The following ZNF467 variants were observed in gnomAD, a reference collection of about 807,000 sequenced individuals.
ZNF467 encodes the protein zinc finger protein EZI.
A neutral mutation model predicts 47.8 loss-of-function variants in ZNF467; 51 were observed. The ratio of observed to expected loss-of-function variants is 1.07; its 90% confidence interval spans 0.85 to 1.35. The LOEUF (loss-of-function observed/expected upper bound fraction) is 1.35. Among genes scored for constraint, ZNF467 ranks in the 40% most tolerant of loss-of-function variants. The pLI is 0.00. For synonymous variants in ZNF467, 416 were observed against 372.9 expected (o/e 1.12, Z -1.33); for missense variants, 992 against 858.1 (o/e 1.16, Z -1.95).
At chr7:149,768,809 G>C (rs779863203) in intron 4 of ZNF467, among the ~76,000 whole-genome samples, 19 of 152,242 alleles carry the variant, frequency 1.2e-4, no homozygotes, top group Non-Finnish European at 2.2e-4. Context: ...GAGAAATAAA[G>C]AGGGGGAGGT....
At position 149,771,580 on chromosome 7, in the gene ZNF467, T is replaced by A. The variant is rs185129552; in HGVS notation, c.-42-506A>T. On this transcript the variant is annotated intron_variant, in intron 1 of 4. Coordinates refer to ENST00000302017, the MANE Select transcript of ZNF467 (RefSeq NM_207336.3). ...TGGGGAGGTCCTCGAGAGGATCCTC[T>A]TGTAGCTAGAAAATGATCGCCTCTT... 5.1e-3 allele frequency among the ~76,000 whole-genome samples: 778 copies of A among 152,168 alleles called. 1 individual carries two copies. Among genetic ancestry groups the A allele is most frequent in the Middle Eastern group, 0.017 (5 of 294 alleles).
intron 4 of ZNF467, among the ~76,000 whole-genome samples, chr7:149,768,418 A>T (rs1175358919): frequency 6.6e-6 from 1 of 152,254 alleles, no homozygotes; most frequent in Admixed American, 6.5e-5. Flanking sequence ...TGGCCTATCC[A>T]AGGGCACTCA....
At chr7:149,776,315 G>A (rs1181583896), upstream of ZNF467, 2 of 1,347,492 alleles carry the variant, frequency 1.5e-6, no homozygotes, top group African/African-American at 3.0e-5. Context: ...AGGGAATGGT[G>A]GCAGCAGCTG....
intron 4 of ZNF467, among the ~76,000 whole-genome samples, chr7:149,767,389 C>G (rs972401930): frequency 3.9e-5 from 6 of 152,240 alleles, no homozygotes; most frequent in Non-Finnish European, 5.9e-5. Context: ...CTGGCCTGAG[C>G]CTTGATTCCA....
At chr7:149,772,652 G>T (rs1799461061) in intron 1 of ZNF467, among the ~76,000 whole-genome samples, 1 of 138,942 alleles carries the variant, frequency 7.2e-6, no homozygotes, top group Admixed American at 7.2e-5. Context: ...AAGCAGCTCC[G>T]ATCGCCGACT....
intron 4 of ZNF467, 99 bp downstream of exon 4, chr7:149,768,990 TG>T: frequency 9.3e-7 from 1 of 1,079,178 alleles, no homozygotes; most frequent in Non-Finnish European, 1.3e-6. Context: ...CTGCCTGTCT[TG>T]GGGGATTACC....
Position 149,765,317 on chromosome 7 carries a change from C to T in ZNF467, c.1185G>A (p.Val395=). The T allele has an allele frequency of 1.4e-6, 2 of 1,481,446 alleles. No homozygotes were observed. Among genetic ancestry groups the T allele is most frequent in the Non-Finnish European group, 1.8e-6 (2 of 1,112,786 alleles). 91.8% of individuals were successfully genotyped at this position (1,481,446 alleles called of 1,614,324 possible). The stretch of plus-strand genomic sequence containing the variant: ...CCAGGGGCTTGGCGGCGGGGGCATC[C>T]ACGGTGGCGCCCAGTGCGCACTCAT... The part of the protein sequence containing the change: ...GCDECALGAT[V]DAPAAKPLAS... Residue 395 remains valine (V), a synonymous_variant, in exon 5 of 5, where the codon GTG becomes GTA. Transcript: ENST00000302017.
intron 1 of ZNF467, among the ~76,000 whole-genome samples, chr7:149,772,686 C>T (rs1799462594): frequency 6.6e-6 from 1 of 150,652 alleles, no homozygotes; most frequent in African/African-American, 2.4e-5. Flanking sequence ...CGGCCCCCTC[C>T]CCAGCTCCGG....
upstream of ZNF467, chr7:149,776,320 C>A: frequency 7.4e-7 from 1 of 1,351,414 alleles, no homozygotes; most frequent in Non-Finnish European, 9.9e-7. Flanking sequence ...ATGGTGGCAG[C>A]AGCTGTGGTT....
Position 149,764,914 on chromosome 7 carries a change from G to A in ZNF467, c.1588C>T (p.Leu530=), listed in dbSNP as rs1337470567. 1.2e-5 allele frequency: 19 copies of A among 1,569,270 alleles called. No homozygotes were observed. The highest frequency in any genetic ancestry group is 2.7e-5 in the African/African-American group (2 of 73,128). The change falls in exon 5 of 5, where the codon CTA becomes TTA. Residue 530 remains leucine (L), a synonymous_variant. Coordinates refer to ENST00000302017, the MANE Select transcript of ZNF467 (RefSeq NM_207336.3). ...CARSFSSKTN[L]VRHQAIHTGS... ...GTGTGGATCGCCTGGTGGCGGACTA[G>A]GTTGGTTTTGGAGCTGAAGCTGCGG...
upstream of ZNF467, chr7:149,776,520 T>C: frequency 7.6e-7 from 1 of 1,307,402 alleles, no homozygotes; most frequent in Non-Finnish European, 1.0e-6. Context: ...GGCTCTGTCC[T>C]ATCTACAAGT....
chr7:149,771,112 C>A, intron 1 of ZNF467, 38 bp from the exon 2 acceptor site: 7 of 1,591,684 alleles, frequency 4.4e-6, no homozygotes, highest in Non-Finnish European at 5.2e-6. Context: ...ATTTTTCCCA[C>A]GCCAGCTTCC....
intron 4 of ZNF467, 93 bp downstream of exon 4, chr7:149,768,997 T>C (rs1030741976): frequency 3.5e-6 from 4 of 1,140,528 alleles, no homozygotes; most frequent in Non-Finnish European, 4.9e-6. Context: ...TCTTGGGGGA[T>C]TACCTGCCTC....
chr7:149,767,416 ACAATCAGAGG>A (rs1248638719), intron 4 of ZNF467, among the ~76,000 whole-genome samples: 3 of 152,244 alleles, frequency 2.0e-5, no homozygotes, highest in African/African-American at 7.2e-5. Flanking sequence ...GTGGACTTCC[ACAATCAGAGG>A]TACTCCCAGT....
intron 4 of ZNF467, 140 bp from the exon 5 acceptor site, chr7:149,766,379 C>T: frequency 7.2e-7 from 1 of 1,397,388 alleles, no homozygotes. Context: ...GTGACCAAAT[C>T]CGCAGCTCTT....
Position 149,769,636 on chromosome 7 carries a change from G to A in ZNF467, c.152-436C>T, listed in dbSNP as rs544056674. On this transcript the variant is annotated intron_variant, in intron 3 of 4. Coordinates refer to ENST00000302017, the MANE Select transcript of ZNF467 (RefSeq NM_207336.3). This position sits in a 1 kb window ranked among gnomAD's most constrained non-coding sequence, Gnocchi z 5.3. Reference sequence around the variant, plus strand: ...CCTGCCTTAGTGCTCTGTCCTGGCTGTACTCCTGCCTGAAGCACTTTTCCC... The same window carrying A: ...CCTGCCTTAGTGCTCTGTCCTGGCTATACTCCTGCCTGAAGCACTTTTCCC... 3.4e-4 allele frequency among the ~76,000 whole-genome samples: 52 copies of A among 152,166 alleles called. No individual in the cohort carries two copies. Among genetic ancestry groups the A allele is most frequent in the Admixed American group, 8.5e-4 (13 of 15,278 alleles).
Position 149,769,968 on chromosome 7 carries a change from T to TTCTTCCCCAA in ZNF467, c.151+471_151+472insTTGGGGAAGA, listed in dbSNP as rs1335210269. On this transcript the variant is annotated intron_variant, in intron 3 of 4. Coordinates refer to ENST00000302017, the MANE Select transcript of ZNF467 (RefSeq NM_207336.3). This position sits in a 1 kb window ranked among gnomAD's most constrained non-coding sequence, Gnocchi z 5.3. ...CTGAGAATACAGGCATAAGCCACCA[T>TTCTTCCCCAA]GCCCGGCTTCCCCAAGCTCCTTCAA... Among the ~76,000 whole-genome samples the TTCTTCCCCAA allele has an allele frequency of 2.6e-5, 4 of 152,266 alleles. No individual in the cohort carries two copies. Among genetic ancestry groups the TTCTTCCCCAA allele is most frequent in the African/African-American group, 9.6e-5 (4 of 41,552 alleles).
chr7:149,771,879 C>G (rs1039818480), intron 1 of ZNF467, among the ~76,000 whole-genome samples: 2 of 144,786 alleles, frequency 1.4e-5, no homozygotes, highest in Non-Finnish European at 3.0e-5. Flanking sequence ...CCCGGCAGGG[C>G]CAACCCCTCG....
chr7:149,765,436 C>T lies in ZNF467; in HGVS notation c.1066G>A (p.Ala356Thr). 1.3e-6 allele frequency: 2 copies of T among 1,580,122 alleles called. No individual in the cohort carries two copies. The highest frequency in any genetic ancestry group is 2.3e-5 in the East Asian group (1 of 43,746). The change falls in exon 5 of 5, where the codon GCG becomes ACG. Residue 356 changes from alanine to threonine, a missense_variant. Transcript: ENST00000302017. ...TPSFPGPKPF[A>T]CSDCGLSFGW... ...AAGCTCAAGCCGCAGTCGGAGCACG[C>T]GAAAGGCTTTGGCCCGGGAAAGGAT... is the stretch of plus-strand genomic sequence containing the variant.
Sources: gnomAD v4.1 joint callset for allele counts (sites outside exome capture counted in the v4.1 genomes callset) on GRCh38, gnomAD v4.1.1 for gene constraint, Gnocchi (gnomAD v3.1) non-coding constraint, MANE v1.5 for transcripts, NCBI Gene and HGNC (gene_info 2026-07-23, HGNC 2026-07-21) for gene names.